The following CCT4 variants were observed in gnomAD, a reference collection of about 807,000 sequenced individuals.
The protein encoded by CCT4 is chaperonin containing TCP1 subunit 4.
In CCT4, 17 loss-of-function variants were observed where a neutral mutation model predicts 62.5. The ratio of observed to expected loss-of-function variants is 0.27; its 90% CI spans 0.19 to 0.41. The LOEUF (loss-of-function observed/expected upper bound fraction) is 0.41, where lower values mean the gene tolerates loss of function less well. CCT4 is among the 10% of genes least tolerant of loss of function. The pLI, the probability that CCT4 is intolerant of heterozygous loss-of-function variation, is 1.00. For missense variants in CCT4, 592 were observed against 659.2 expected (o/e 0.90, Z 1.12); for synonymous variants, 250 against 229.9 (o/e 1.09, Z -0.79).
intron 8 of CCT4, among the ~76,000 whole-genome samples, 153 bp downstream of exon 8, chr2:61,875,942 A>G (rs925462187): frequency 6.6e-5 from 10 of 152,224 alleles, no homozygotes; most frequent in Admixed American, 6.5e-4. Flanking sequence ...TTTTAAAATA[A>G]AAATTCTCCA....
In CCT4 at chr2:61,868,360, G is replaced by T. The variant is rs556490340; in HGVS notation, c.*332C>A. ...TATATTATATGTTGGTAGTTTTTAA[G>T]GCCAGGGAGCATTTATCAGTGATGA... On this transcript the variant is annotated 3_prime_UTR_variant, in exon 14 of 14. Coordinates refer to ENST00000394440, the MANE Select transcript of CCT4 (RefSeq NM_006430.4). The T allele has an allele frequency of 3.8e-6, 1 of 265,758 alleles. No homozygotes were observed. Among genetic ancestry groups the T allele is most frequent in the East Asian group, 7.5e-5 (1 of 13,246 alleles). 16.5% of individuals were successfully genotyped at this position (265,758 alleles called of 1,614,324 possible).
At chr2:61,869,614 C>T (rs564162069) in intron 12 of CCT4, 61 bp from the exon 13 acceptor site, 30 of 888,726 alleles carry the variant, frequency 3.4e-5, no homozygotes, top group South Asian at 2.8e-4. Flanking sequence ...TCAGCAGCCA[C>T]GTGGTTACCA....
chr2:61,882,497 G>A (rs532892932), intron 3 of CCT4, among the ~76,000 whole-genome samples: 1 of 152,028 alleles, frequency 6.6e-6, no homozygotes, highest in African/African-American at 2.4e-5. Context: ...CTGTGGACAA[G>A]TATAAGGTGA....
intron 12 of CCT4, among the ~76,000 whole-genome samples, chr2:61,869,826 G>A (rs1473386751): frequency 6.6e-6 from 1 of 151,380 alleles, no homozygotes; most frequent in East Asian, 2.0e-4. Context: ...GTAGAGACAG[G>A]GTTTCACCGT....
At chr2:61,886,551 G>A (rs565088293) in intron 1 of CCT4, among the ~76,000 whole-genome samples, 135 of 152,298 alleles carry the variant, frequency 8.9e-4, no homozygotes, top group Non-Finnish European at 1.2e-3. Flanking sequence ...AGCGCTTTGC[G>A]AAGCCAAGGC....
At chr2:61,886,694 G>T (rs1265868712) in intron 1 of CCT4, among the ~76,000 whole-genome samples, 3 of 151,832 alleles carry the variant, frequency 2.0e-5, no homozygotes, top group Non-Finnish European at 2.9e-5. Flanking sequence ...TTCAAAGGTT[G>T]CTAAATTTCC....
Position 61,888,345 on chromosome 2 carries a change from C to A in CCT4, c.127+36G>T, listed in dbSNP as rs553079827. ...CCACGATGAGAGCGCAGAGCACAAC[C>A]CCGCGGCGCCGCGGGTCAGGCCATG... On this transcript the variant is annotated intron_variant, in intron 1 of 13. Coordinates refer to ENST00000394440, the MANE Select transcript of CCT4 (RefSeq NM_006430.4). The A allele has an allele frequency of 2.9e-5, 47 of 1,600,658 alleles. No individual in the cohort carries two copies. The Middle Eastern group carries it at 6.7e-4, about 23-fold the overall frequency.
chr2:61,877,394 C>T lies in CCT4; in HGVS notation c.643G>A (p.Gly215Ser), dbSNP rs776930350. Residue 215 changes from glycine (G) to serine (S), a missense_variant and splice_region_variant, in exon 6 of 14, where the codon GGT (glycine) becomes AGT (serine). This residue lies in a region of CCT4 where 522 missense variants were observed against 571.2 expected (regional missense o/e 0.91). Transcript: ENST00000394440. Reference sequence around the variant, plus strand: ...CAAGTTGTAATTAGAGATGCTTACCCAAGCTTCTTAACTATTTTAATATCT... The same window carrying T: ...CAAGTTGTAATTAGAGATGCTTACCTAAGCTTCTTAACTATTTTAATATCT... ...LRDIKIVKKLGGTIDDCELVE... is the reference protein window; with the variant it reads ...LRDIKIVKKLSGTIDDCELVE... 82 of 1,602,014 alleles carry T rather than the reference C, an allele frequency of 5.1e-5. No individual in the cohort carries two copies. Among genetic ancestry groups the T allele is most frequent in the Non-Finnish European group, 6.7e-5 (79 of 1,176,414 alleles).
chr2:61,883,683 A>G (rs1230790082), intron 2 of CCT4, 135 bp from the exon 3 acceptor site: 3 of 594,528 alleles, frequency 5.0e-6, no homozygotes, highest in South Asian at 1.9e-5. Context: ...TTACATTAGC[A>G]TAATAGTTTA....
intron 3 of CCT4, 131 bp from the exon 4 acceptor site, chr2:61,880,525 T>G: frequency 1.6e-6 from 1 of 640,244 alleles, no homozygotes; most frequent in East Asian, 2.8e-5. Context: ...TCTTCTGATT[T>G]GTTGTCTACC....
chr2:61,879,158 C>T (rs536405384), intron 4 of CCT4, 147 bp from the exon 5 acceptor site: 1 of 571,578 alleles, frequency 1.7e-6, no homozygotes, highest in Admixed American at 3.5e-5. Flanking sequence ...AATATAGTGG[C>T]TTGAATAACC....
chr2:61,876,505 A>G (rs1669004982), intron 7 of CCT4, among the ~76,000 whole-genome samples: 2 of 152,194 alleles, frequency 1.3e-5, no homozygotes, highest in African/African-American at 4.8e-5. Flanking sequence ...GTTGTTTTCA[A>G]AAGATAGGGT....
chr2:61,871,463 C>T (rs1233204083), intron 12 of CCT4, among the ~76,000 whole-genome samples: 1 of 152,128 alleles, frequency 6.6e-6, no homozygotes, highest in Non-Finnish European at 1.5e-5. Flanking sequence ...ACTGCTTACC[C>T]ATCTGGAATT....
Position 61,872,166 on chromosome 2 carries a change from G to T in CCT4, c.1407C>A (p.Ala469=), listed in dbSNP as rs1271851028. The T allele has an allele frequency of 3.7e-6, 6 of 1,613,938 alleles. No individual in the cohort carries two copies. Among genetic ancestry groups the T allele is most frequent in the Admixed American group, 1.7e-5 (1 of 59,982 alleles). ...TTACTGTAGAAATGGGATTCAGGCC[G>T]GCATTTTCAGCTAGTGTAGATGGAA... The part of the protein sequence containing the change: ...EVIPSTLAEN[A]GLNPISTVTE... The change falls in exon 12 of 14, where the codon GCC becomes GCA. Residue 469 remains alanine (A), a synonymous_variant. Transcript: ENST00000394440.
At chr2:61,885,234 C>T (rs1404996492) in intron 1 of CCT4, among the ~76,000 whole-genome samples, 162 bp from the exon 2 acceptor site, 7 of 151,810 alleles carry the variant, frequency 4.6e-5, no homozygotes, top group Non-Finnish European at 7.4e-5. Context: ...ATCAAGACTT[C>T]TTAAAGAATA....
intron 2 of CCT4, among the ~76,000 whole-genome samples, chr2:61,884,724 G>A (rs1267950521): frequency 6.6e-6 from 1 of 151,480 alleles, no homozygotes; most frequent in African/African-American, 2.4e-5. Context: ...TGCCTCCCAG[G>A]TTCAAGCAAT....
rs556544952 is a variant in CCT4 at position 61,885,244 on chromosome 2, A to G, written c.128-172T>C. 1.4e-4 allele frequency among the ~76,000 whole-genome samples: 21 copies of G among 152,108 alleles called. No homozygotes were observed. The South Asian group carries it at 2.5e-3, about 18-fold the overall frequency. On this transcript the variant is annotated intron_variant, in intron 1 of 13. Transcript: ENST00000394440. ...GGGAAATCAAGACTTCTTAAAGAATAGAGTTTTTTTCCCCTCAAATGATCA... is the reference window on the plus strand; with the variant it reads ...GGGAAATCAAGACTTCTTAAAGAATGGAGTTTTTTTCCCCTCAAATGATCA...
chr2:61,879,375 C>T (rs1008442242), intron 4 of CCT4, among the ~76,000 whole-genome samples: 3 of 150,636 alleles, frequency 2.0e-5, no homozygotes, highest in East Asian at 2.0e-4. Context: ...GATCCTCCCA[C>T]CTCAGCCTCC....
chr2:61,888,107 C>G, intron 1 of CCT4: 1 of 376,594 alleles, frequency 2.7e-6, no homozygotes, highest in Non-Finnish European at 4.7e-6. Flanking sequence ...TTTTGAACTG[C>G]TTTCGGCTCC....
Sources: gnomAD v4.1 joint callset for allele counts (sites outside exome capture counted in the v4.1 genomes callset) on GRCh38, gnomAD v4.1.1 for gene constraint, gnomAD v4.1.1 regional missense constraint, MANE v1.5 for transcripts, NCBI Gene and HGNC (gene_info 2026-07-23, HGNC 2026-07-21) for gene names.